The following BBS9 variants were observed in gnomAD, a reference collection of about 807,000 sequenced individuals.
The protein encoded by BBS9 is protein PTHB1.
Under a neutral mutation model 117.7 loss-of-function variants are expected in BBS9, and 89 were observed. That is an observed-to-expected ratio of 0.76 (90% confidence interval 0.64 to 0.90). The LOEUF (loss-of-function observed/expected upper bound fraction) is 0.90, where lower values mean the gene tolerates loss of function less well. BBS9 is among the 40% of genes least tolerant of loss of function. The pLI is 0.00. For missense variants in BBS9, 982 were observed against 1,042.2 expected, an observed-to-expected ratio of 0.94 and a Z score of 0.80; for synonymous variants, 379 against 370.9, an observed-to-expected ratio of 1.02 and a Z score of -0.25.
At chr7:33,544,205 C>G (rs996306274) in intron 21 of BBS9, among the ~76,000 whole-genome samples, 8 of 152,172 alleles carry the variant, frequency 5.3e-5, no homozygotes, top group African/African-American at 1.9e-4. Context: ...TCAGGTAAAT[C>G]AGGGATTTCT....
intron 3 of BBS9, among the ~76,000 whole-genome samples, chr7:33,153,938 T>G (rs2128110581): frequency 6.6e-6 from 1 of 152,320 alleles, no homozygotes; most frequent in Non-Finnish European, 1.5e-5. Context: ...GCATCCTTCC[T>G]GCTAAAAAGT....
Position 33,505,636 on chromosome 7 carries a change from T to C in BBS9, c.2289T>C (p.Thr763=). 1 of 1,613,476 alleles carries C rather than the reference T, an allele frequency of 6.2e-7. No homozygotes were observed. Residue 763 remains threonine (T), a synonymous_variant, in exon 20 of 23, where the codon ACT becomes ACC. Coordinates refer to ENST00000242067, the MANE Select transcript of BBS9 (RefSeq NM_198428.3). The part of the protein sequence containing the change: ...EAAFLPLQED[T]QELGWEETVD... ...CATTTCTGCCGCTACAAGAAGACAC[T>C]CAAGAATTGGTAAGGACCTGAAAGC...
chr7:33,502,115 G>A (rs758666689), intron 19 of BBS9, among the ~76,000 whole-genome samples: 13 of 152,046 alleles, frequency 8.6e-5, no homozygotes, highest in Admixed American at 3.3e-4. Flanking sequence ...TCAACATGTT[G>A]GCCAGGCTGC....
intron 5 of BBS9, among the ~76,000 whole-genome samples, chr7:33,193,864 C>G (rs1784549127): frequency 6.6e-6 from 1 of 152,136 alleles, no homozygotes; most frequent in African/African-American, 2.4e-5. Context: ...CATCAGTTTT[C>G]CTTGAGTCAG....
chr7:33,366,901 G>A (rs2128712163), intron 16 of BBS9, among the ~76,000 whole-genome samples: 1 of 152,224 alleles, frequency 6.6e-6, no homozygotes, highest in Non-Finnish European at 1.5e-5. Context: ...TCTACAGCTA[G>A]CAGAGTCAAG....
At chr7:33,366,524 T>C (rs1821757273) in intron 16 of BBS9, among the ~76,000 whole-genome samples, 2 of 147,534 alleles carry the variant, frequency 1.4e-5, no homozygotes, top group Non-Finnish European at 3.0e-5. Context: ...TAATGTTTCT[T>C]TTTTTTTTTC....
At chr7:33,353,213 G>T (rs1818992946) in intron 15 of BBS9, among the ~76,000 whole-genome samples, 1 of 152,144 alleles carries the variant, frequency 6.6e-6, no homozygotes, top group South Asian at 2.1e-4. Flanking sequence ...CTAAAAGAAA[G>T]AAAGAGTTTA....
chr7:33,332,678 AAACAACAAC>A (rs147419035), intron 9 of BBS9, among the ~76,000 whole-genome samples: 324 of 150,054 alleles, frequency 2.2e-3, no homozygotes, highest in African/African-American at 7.5e-3. Flanking sequence ...CTCCATGTCA[AAACAACAAC>A]AACAACAACA....
intron 17 of BBS9, among the ~76,000 whole-genome samples, chr7:33,371,441 G>A (rs1822849524): frequency 6.6e-6 from 1 of 152,144 alleles, no homozygotes; most frequent in Non-Finnish European, 1.5e-5. Flanking sequence ...GAATTGAGAT[G>A]TAGGATGAAG....
chr7:33,440,551 A>G (rs1836010236), intron 19 of BBS9, among the ~76,000 whole-genome samples: 1 of 152,172 alleles, frequency 6.6e-6, no homozygotes, highest in Non-Finnish European at 1.5e-5. Context: ...ACAGCTTACA[A>G]TTTTGAGGGG....
At chr7:33,415,931 G>A (rs1189678512) in intron 19 of BBS9, among the ~76,000 whole-genome samples, 1 of 152,050 alleles carries the variant, frequency 6.6e-6, no homozygotes, top group Non-Finnish European at 1.5e-5. Flanking sequence ...ACCTCCCTGG[G>A]CTTAGGATCC....
chr7:33,150,381 A>G (rs1323809607), intron 2 of BBS9, among the ~76,000 whole-genome samples: 8 of 152,186 alleles, frequency 5.3e-5, no homozygotes, highest in Non-Finnish European at 1.2e-4. Context: ...TCAGCTGGCT[A>G]TGGCAGCAGC....
At chr7:33,622,868 T>A (rs373609580) in intron 21 of BBS9, among the ~76,000 whole-genome samples, 1 of 152,196 alleles carries the variant, frequency 6.6e-6, no homozygotes, top group Non-Finnish European at 1.5e-5. Context: ...GATAACCATA[T>A]TGAGAAAAAT....
intron 20 of BBS9, 95 bp downstream of exon 20, chr7:33,505,740 C>T: frequency 1.5e-6 from 2 of 1,319,746 alleles, no homozygotes; most frequent in Non-Finnish European, 1.1e-6. Context: ...TCTAAGGTAT[C>T]AAATAAGGGT....
rs185521477 is a variant in BBS9, at chr7:33,555,902, A to G, written c.2521+21726A>G. On this transcript the variant is annotated intron_variant, in intron 21 of 22. Coordinates refer to ENST00000242067, the MANE Select transcript of BBS9 (RefSeq NM_198428.3). ...CTGTTTCATATGCTTCAACTTAATA[A>G]TTACTGCCAGTATATCTCATTGTCA... is the stretch of plus-strand genomic sequence containing the variant. Among the ~76,000 whole-genome samples the G allele has an allele frequency of 4.1e-3, 627 of 152,286 alleles. 2 individuals carry two copies. Among genetic ancestry groups the G allele is most frequent in the Non-Finnish European group, 6.9e-3 (470 of 68,016 alleles).
At chr7:33,149,131 A>G (rs1171269750) in intron 2 of BBS9, among the ~76,000 whole-genome samples, 1 of 152,190 alleles carries the variant, frequency 6.6e-6, no homozygotes, top group Non-Finnish European at 1.5e-5. Flanking sequence ...TGGAGGGTCA[A>G]GGGAAGTGGG....
chr7:33,618,448 C>A (rs1453892452), intron 21 of BBS9, among the ~76,000 whole-genome samples: 1 of 151,842 alleles, frequency 6.6e-6, no homozygotes, highest in African/African-American at 2.4e-5. Context: ...TACATTAATA[C>A]CATCATGGTG....
chr7:33,254,269 C>G (rs76257183), intron 5 of BBS9, among the ~76,000 whole-genome samples: 4,352 of 152,164 alleles, frequency 0.029, 155 homozygotes, highest in African/African-American at 0.078. Flanking sequence ...GTAATAATAA[C>G]CCTCTTAATA....
At chr7:33,304,942 C>A (rs1023773613) in intron 9 of BBS9, among the ~76,000 whole-genome samples, 3 of 151,942 alleles carry the variant, frequency 2.0e-5, no homozygotes, top group African/African-American at 7.3e-5. Context: ...GCAGCATGCT[C>A]GTTAAGAGTC....
Sources: gnomAD v4.1 joint callset for allele counts (sites outside exome capture counted in the v4.1 genomes callset) on GRCh38, gnomAD v4.1.1 for gene constraint, MANE v1.5 for transcripts, NCBI Gene and HGNC (gene_info 2026-07-23, HGNC 2026-07-21) for gene names.